ELP4: variants seen among roughly 807,000 people sequenced by gnomAD.
The protein encoded by ELP4 is elongator complex protein 4.
ELP4 carries 51 observed loss-of-function variants against 48.9 expected under a neutral mutation model. The observed-to-expected ratio is 1.04, with a 90% CI of 0.83 to 1.32. The LOEUF (loss-of-function observed/expected upper bound fraction) is 1.32. Ranked by LOEUF, ELP4 falls within the 40% of genes most tolerant of loss-of-function variation. The pLI is 0.00. For missense variants in ELP4, 519 were observed against 514.6 expected (o/e 1.01, Z -0.08); for synonymous variants, 210 against 189.2 (o/e 1.11, Z -0.90).
intron 3 of ELP4, among the ~76,000 whole-genome samples, chr11:31,584,024 A>C (rs1284792600): frequency 6.6e-6 from 1 of 152,160 alleles, no homozygotes. Flanking sequence ...AATAATGCTG[A>C]TATGTTTTTA....
chr11:31,727,223 G>A (rs1245617134), intron 9 of ELP4, among the ~76,000 whole-genome samples: 1 of 151,798 alleles, frequency 6.6e-6, no homozygotes, highest in African/African-American at 2.4e-5. Flanking sequence ...GAGGAAAGCT[G>A]TGTCTCATTT....
In ELP4 at chr11:31,627,092, C is replaced by G; in HGVS notation, c.654-18C>G. 1 of 1,529,604 alleles carries G rather than the reference C, an allele frequency of 6.5e-7. No individual in the cohort carries two copies. The highest frequency in any genetic ancestry group is 1.1e-5 in the South Asian group (1 of 87,492). 94.8% of individuals were successfully genotyped at this position (1,529,604 alleles called of 1,614,324 possible). ...TAATAACCCATTTATGTATTTGAAC[C>G]ACTTCTTTTACCAACAGTTCTTTGA... On this transcript the variant is annotated intron_variant, in intron 5 of 9. Transcript: ENST00000640961.
At chr11:31,551,728 A>G (rs1389259228) in intron 3 of ELP4, among the ~76,000 whole-genome samples, 1 of 152,190 alleles carries the variant, frequency 6.6e-6, no homozygotes, top group Non-Finnish European at 1.5e-5. Flanking sequence ...AGCTATTTCT[A>G]AGAAAAATGG....
chr11:31,562,073 G>A (rs931125197), intron 3 of ELP4, among the ~76,000 whole-genome samples: 1 of 152,126 alleles, frequency 6.6e-6, no homozygotes. Flanking sequence ...TAGACATATT[G>A]CTGGGACCTC....
chr11:31,701,491 A>G (rs1310506886), intron 9 of ELP4, among the ~76,000 whole-genome samples: 1 of 151,858 alleles, frequency 6.6e-6, no homozygotes, highest in Admixed American at 6.6e-5. Flanking sequence ...TTAGCTTCTA[A>G]TCTCACTCAA....
chr11:31,757,202 T>C (rs1947851290), intron 9 of ELP4, among the ~76,000 whole-genome samples: 1 of 152,218 alleles, frequency 6.6e-6, no homozygotes, highest in Admixed American at 6.5e-5. Context: ...TTATTTGCTA[T>C]ACCCAGACTA....
Position 31,639,524 on chromosome 11 carries a change from CT to C in ELP4, c.927+7121del, listed in dbSNP as rs11312432. Among the ~76,000 whole-genome samples, 467 of 151,948 alleles carry C rather than the reference CT, an allele frequency of 3.1e-3. 2 individuals are homozygous for C. Among genetic ancestry groups the C allele is most frequent in the African/African-American group, 0.011 (446 of 41,518 alleles). ...GTTAATTTTTAAAGTCACATCATAG[CT>C]TGTGTGCGTTATACGTATATATTTA... is the stretch of plus-strand genomic sequence containing the variant. On this transcript the variant is annotated intron_variant, in intron 7 of 9. Transcript: ENST00000640961.
intron 9 of ELP4, 117 bp downstream of exon 9, chr11:31,650,338 A>G (rs1242670906): frequency 2.1e-6 from 1 of 468,936 alleles, no homozygotes; most frequent in African/African-American, 2.0e-5. Context: ...TTCTTAGGAC[A>G]TGTTTTATGC....
intron 3 of ELP4, among the ~76,000 whole-genome samples, chr11:31,566,408 A>G (rs970861978): frequency 1.2e-4 from 19 of 152,144 alleles, no homozygotes; most frequent in African/African-American, 4.6e-4. Context: ...TGTATTTCAC[A>G]AGACTTAAAA....
chr11:31,747,419 A>T (rs922706761), intron 9 of ELP4, among the ~76,000 whole-genome samples: 1 of 152,012 alleles, frequency 6.6e-6, no homozygotes, highest in Non-Finnish European at 1.5e-5. Flanking sequence ...TGGAGAGGGG[A>T]GGGTGGAGGG....
chr11:31,618,914 A>G (rs1479129356), intron 5 of ELP4, among the ~76,000 whole-genome samples: 1 of 152,116 alleles, frequency 6.6e-6, no homozygotes, highest in African/African-American at 2.4e-5. Context: ...AAAAAAGAAA[A>G]CAGACCAATT....
intron 2 of ELP4, 106 bp from the exon 3 acceptor site, chr11:31,539,556 T>G (rs761298181): frequency 8.2e-6 from 10 of 1,224,172 alleles, no homozygotes; most frequent in Non-Finnish European, 1.1e-5. Flanking sequence ...CATATACTTG[T>G]TTTAAGGAAA....
At chr11:31,616,815 A>G (rs1331235354) in intron 5 of ELP4, among the ~76,000 whole-genome samples, 2 of 152,156 alleles carry the variant, frequency 1.3e-5, no homozygotes, top group African/African-American at 2.4e-5. Flanking sequence ...AAGCATATCA[A>G]TAAGTGCTAT....
chr11:31,726,471 A>G (rs902460366), intron 9 of ELP4, among the ~76,000 whole-genome samples: 1 of 152,212 alleles, frequency 6.6e-6, no homozygotes, highest in Admixed American at 6.5e-5. Flanking sequence ...TTTGGTAACT[A>G]ATCTTACAGG....
At chr11:31,610,196 T>A (rs191152604) in intron 5 of ELP4, among the ~76,000 whole-genome samples, 2 of 152,304 alleles carry the variant, frequency 1.3e-5, no homozygotes, top group Admixed American at 1.3e-4. Context: ...ATCTCAGAAC[T>A]GATGGAAAGG....
intron 3 of ELP4, among the ~76,000 whole-genome samples, chr11:31,540,448 C>G (rs1335597525): frequency 6.6e-6 from 1 of 152,154 alleles, no homozygotes; most frequent in African/African-American, 2.4e-5. Flanking sequence ...CAAGGCACTA[C>G]AGTATTTGCC....
intron 5 of ELP4, among the ~76,000 whole-genome samples, chr11:31,612,282 C>T (rs1366647306): frequency 6.6e-6 from 1 of 152,172 alleles, no homozygotes; most frequent in African/African-American, 2.4e-5. Flanking sequence ...GATGACTTCT[C>T]TTAGTGAAAT....
intron 3 of ELP4, among the ~76,000 whole-genome samples, chr11:31,576,286 T>C (rs552980331): frequency 6.6e-6 from 1 of 152,190 alleles, no homozygotes; most frequent in Non-Finnish European, 1.5e-5. Flanking sequence ...CCCAGATTCA[T>C]AAAGCAAGTC....
chr11:31,775,735 G>A (rs1482419319), intron 9 of ELP4, among the ~76,000 whole-genome samples: 1 of 152,164 alleles, frequency 6.6e-6, no homozygotes, highest in Non-Finnish European at 1.5e-5. Flanking sequence ...GGGAGGCTGA[G>A]ATGGGCGGAT....
Sources: gnomAD v4.1 joint callset for allele counts (sites outside exome capture counted in the v4.1 genomes callset) on GRCh38, gnomAD v4.1.1 for gene constraint, MANE v1.5 for transcripts, NCBI Gene and HGNC (gene_info 2026-07-23, HGNC 2026-07-21) for gene names.